The following PSEN2 variants were observed in gnomAD, a reference collection of about 807,000 sequenced individuals.
PSEN2 encodes presenilin-2.
In PSEN2, 32 loss-of-function variants were observed where a neutral mutation model predicts 49.1. The observed-to-expected ratio is 0.65, with a 90% CI of 0.49 to 0.88. PSEN2 has a LOEUF of 0.88. Among genes scored for constraint, PSEN2 ranks in the 40% least tolerant of loss-of-function variants. The probability of loss-of-function intolerance (pLI) is 0.00; values close to 1 mark genes in which losing one functional copy is unlikely to be tolerated. For synonymous variants in PSEN2, 255 were observed against 244.0 expected, an observed-to-expected ratio of 1.05 and a Z score of -0.42; for missense variants, 522 against 586.9, an observed-to-expected ratio of 0.89 and a Z score of 1.14.
chr1:226,888,783 A>G, intron 7 of PSEN2, 46 bp from the exon 8 acceptor site: 1 of 1,533,204 alleles, frequency 6.5e-7, no homozygotes, highest in Non-Finnish European at 9.0e-7. Context: ...CTAGGCTGTA[A>G]TGCCTCCACT....
chr1:226,882,171 G>A (rs1661044952), intron 4 of PSEN2, 123 bp downstream of exon 4: 1 of 1,384,022 alleles, frequency 7.2e-7, no homozygotes, highest in Non-Finnish European at 9.8e-7. Flanking sequence ...ATGAGGATTG[G>A]CCGAAAAGGT....
intron 12 of PSEN2, among the ~76,000 whole-genome samples, chr1:226,895,094 C>T (rs1009607970): frequency 1.3e-5 from 2 of 152,182 alleles, no homozygotes; most frequent in African/African-American, 2.4e-5. Flanking sequence ...CATATAAATA[C>T]ATGTTCCCTG....
At chr1:226,871,060 C>G (rs555630501) in intron 1 of PSEN2, 1 of 152,390 alleles carries the variant, frequency 6.6e-6, no homozygotes, top group East Asian at 1.9e-4. Flanking sequence ...AGGCGTGTAG[C>G]AGGCGGGGGC....
intron 10 of PSEN2, 150 bp from the exon 11 acceptor site, chr1:226,891,592 TG>T: frequency 1.3e-6 from 1 of 782,580 alleles, no homozygotes; most frequent in Non-Finnish European, 2.2e-6. Flanking sequence ...GTGGGTGGAG[TG>T]GGGGAAGCCC....
chr1:226,882,644 A>G (rs1010243317), intron 4 of PSEN2, among the ~76,000 whole-genome samples: 1 of 152,198 alleles, frequency 6.6e-6, no homozygotes, highest in Non-Finnish European at 1.5e-5. Flanking sequence ...TGCCCATTAT[A>G]GAATTAAAAA....
At position 226,883,676 on chromosome 1, in the gene PSEN2, T is replaced by C. The variant is rs1295644; in HGVS notation, c.142-29T>C. The C allele has an allele frequency of 0.75, 1,199,064 of 1,604,194 alleles. 451,194 individuals carry two copies. Among genetic ancestry groups the C allele is most frequent in the Middle Eastern group, 0.78 (4,136 of 5,302 alleles). On this transcript the variant is annotated intron_variant, in intron 4 of 12. Coordinates refer to ENST00000366783, the MANE Select transcript of PSEN2 (RefSeq NM_000447.3). ...GGATAGGCTGCCGTGGGGGACATTC[T>C]GCGGCCCTCACGATGTGGTTTCCCA...
At position 226,881,896 on chromosome 1, in the gene PSEN2, A is replaced by G. The variant is rs1233744339; in HGVS notation, c.-12A>G. 1.2e-6 allele frequency: 2 copies of G among 1,614,222 alleles called. No individual in the cohort carries two copies. The highest frequency in any genetic ancestry group is 1.7e-6 in the Non-Finnish European group (2 of 1,180,038). On this transcript the variant is annotated 5_prime_UTR_variant, in exon 4 of 13. Transcript: ENST00000366783. ...TGTGCTCCTTTTTCCAGGTGCTTCC[A>G]GAGGCAGGGCTATGCTCACATTCAT...
intron 6 of PSEN2, among the ~76,000 whole-genome samples, chr1:226,885,932 C>T (rs1661333545): frequency 6.8e-6 from 1 of 147,660 alleles, no homozygotes; most frequent in East Asian, 2.0e-4. Flanking sequence ...TGCAGTGGTG[C>T]GATCATGACT....
chr1:226,874,050 G>T (rs1052269159), intron 2 of PSEN2, among the ~76,000 whole-genome samples: 8 of 152,218 alleles, frequency 5.3e-5, no homozygotes, highest in African/African-American at 1.9e-4. Context: ...AGCAGAGGGA[G>T]AGCAGAGTGA....
rs1257460811 is a variant in PSEN2, at chr1:226,876,633, CT to C, written c.-21+1087del. Reference sequence around the variant, plus strand: ...TTTAATGTTTTGTAATATTTCCGATCTTTTATATACATACATTTTATAAGGA... The same window carrying C: ...TTTAATGTTTTGTAATATTTCCGATCTTTATATACATACATTTTATAAGGA... On this transcript the variant is annotated intron_variant, in intron 3 of 12. Transcript: ENST00000366783. Among the ~76,000 whole-genome samples, 5 of 152,158 alleles carry C rather than the reference CT, an allele frequency of 3.3e-5. 1 individual carries two copies. In the East Asian group the frequency reaches 7.7e-4, roughly 23 times the overall value.
At chr1:226,894,157 G>A (rs759194805) in intron 12 of PSEN2, 32 bp downstream of exon 12, 8 of 1,576,418 alleles carry the variant, frequency 5.1e-6, no homozygotes, top group African/African-American at 1.3e-5. Flanking sequence ...CAGCTGCCTC[G>A]TGGTGGGGGC....
Position 226,888,813 on chromosome 1 carries a change from C to T in PSEN2, c.567-16C>T. On this transcript the variant is annotated splice_polypyrimidine_tract_variant and intron_variant, in intron 7 of 12. Coordinates refer to ENST00000366783, the MANE Select transcript of PSEN2 (RefSeq NM_000447.3). ...TCCACTGAGTCCCAGTCACAGGCTC[C>T]ACCTTGGTCCTGCAGGGAAGTGCTC... 6.2e-7 allele frequency: 1 copy of T among 1,609,380 alleles called. No homozygotes were observed. Among genetic ancestry groups the T allele is most frequent in the Non-Finnish European group, 8.5e-7 (1 of 1,175,684 alleles).
rs200923178 is a variant in PSEN2, at chr1:226,895,921, G to T, written c.*342G>T. 4.2e-5 allele frequency: 17 copies of T among 404,326 alleles called. No homozygotes were observed. The highest frequency in any genetic ancestry group is 7.7e-5 in the Admixed American group (2 of 26,074). 25.0% of individuals were successfully genotyped at this position (404,326 alleles called of 1,614,324 possible). ...GCTCGGGAGTGGCCCCTGGCACCTG[G>T]GTGCTCTGGCTGGAGAGGAAAAGCC... On this transcript the variant is annotated 3_prime_UTR_variant, in exon 13 of 13. Coordinates refer to ENST00000366783, the MANE Select transcript of PSEN2 (RefSeq NM_000447.3).
intron 2 of PSEN2, among the ~76,000 whole-genome samples, chr1:226,874,786 G>C (rs1442786882): frequency 6.6e-6 from 1 of 152,224 alleles, no homozygotes; most frequent in African/African-American, 2.4e-5. Context: ...AGCTGTGTCA[G>C]ATTAGACTGT....
intron 2 of PSEN2, among the ~76,000 whole-genome samples, chr1:226,873,641 C>G (rs1660446989): frequency 6.6e-6 from 1 of 152,084 alleles, no homozygotes; most frequent in South Asian, 2.1e-4. Flanking sequence ...GTCTCAAACT[C>G]CTGACCTCAG....
intron 5 of PSEN2, 47 bp downstream of exon 5, chr1:226,883,966 G>GGGC: frequency 6.1e-6 from 2 of 330,268 alleles, no homozygotes; most frequent in Non-Finnish European, 4.9e-6. Context: ...GGGCTGAGTT[G>GGGC]CCAGGGGGTG....
chr1:226,873,108 C>T (rs1279484163), intron 2 of PSEN2, among the ~76,000 whole-genome samples: 21 of 151,560 alleles, frequency 1.4e-4, no homozygotes, highest in Middle Eastern at 3.4e-3. Context: ...ACCCAGGAGG[C>T]GGAGGTTGCA....
chr1:226,890,902 T>G, intron 9 of PSEN2: 1 of 269,372 alleles, frequency 3.7e-6, no homozygotes, highest in Non-Finnish European at 7.2e-6. Flanking sequence ...GCCTGCAGCG[T>G]GGCCCCACGG....
At chr1:226,890,225 G>A (rs773282567) in intron 9 of PSEN2, 92 bp downstream of exon 9, 36 of 1,092,924 alleles carry the variant, frequency 3.3e-5, no homozygotes, top group Non-Finnish European at 4.1e-5. Flanking sequence ...GGCTTTCAGA[G>A]TTGACTGGGC....
Sources: allele counts gnomAD v4.1 joint callset (sites outside exome capture counted in the v4.1 genomes callset), GRCh38; gene constraint gnomAD v4.1.1; transcripts MANE v1.5; gene names NCBI Gene and HGNC (gene_info 2026-07-23, HGNC 2026-07-21).